PIGL: variants seen among roughly 807,000 people sequenced by gnomAD.
PIGL encodes the protein N-acetylglucosaminyl-phosphatidylinositol de-N-acetylase.
PIGL carries 22 observed loss-of-function variants against 31.1 expected under a neutral mutation model. The observed-to-expected ratio is 0.71, with a 90% CI of 0.51 to 1.01. PIGL has a LOEUF of 1.01. PIGL is among the 50% of genes least tolerant of loss of function. The pLI is 0.00. For missense variants in PIGL, 302 were observed against 315.9 expected, an observed-to-expected ratio of 0.96 and a Z score of 0.33; for synonymous variants, 131 against 117.4, an observed-to-expected ratio of 1.12 and a Z score of -0.75.
intron 3 of PIGL, among the ~76,000 whole-genome samples, chr17:16,300,624 G>A (rs2093000678): frequency 1.3e-5 from 2 of 151,824 alleles, no homozygotes; most frequent in African/African-American, 4.8e-5. Context: ...AGGTTGCAAT[G>A]CGCAAAGATT....
chr17:16,218,700 A>C (rs1298564167), intron 1 of PIGL, among the ~76,000 whole-genome samples: 1 of 113,304 alleles, frequency 8.8e-6, no homozygotes, highest in African/African-American at 3.3e-5. Context: ...TTTTTTTCTG[A>C]GATAGTCTCG....
At chr17:16,275,290 CTT>C (rs979742150) in intron 2 of PIGL, among the ~76,000 whole-genome samples, 22 of 152,144 alleles carry the variant, frequency 1.4e-4, no homozygotes, top group Non-Finnish European at 3.2e-4. Flanking sequence ...GTGGGAGTGT[CTT>C]TTAGCATGCT....
At chr17:16,221,888 G>A (rs2092631140) in intron 1 of PIGL, among the ~76,000 whole-genome samples, 1 of 152,058 alleles carries the variant, frequency 6.6e-6, no homozygotes, top group South Asian at 2.1e-4. Flanking sequence ...CAGAATGCTG[G>A]GATTACAGAC....
intron 3 of PIGL, among the ~76,000 whole-genome samples, chr17:16,304,006 G>A (rs115540548): frequency 0.016 from 2,390 of 152,180 alleles, 74 homozygotes; most frequent in African/African-American, 0.054. Context: ...AAGCCACTGC[G>A]CCCGGCCTAC....
At chr17:16,265,578 A>C (rs1191340236) in intron 2 of PIGL, among the ~76,000 whole-genome samples, 2 of 152,006 alleles carry the variant, frequency 1.3e-5, no homozygotes, top group African/African-American at 4.8e-5. Context: ...CCTCTCTACT[A>C]AAAATACAAA....
intron 2 of PIGL, among the ~76,000 whole-genome samples, chr17:16,237,536 C>T (rs984793737): frequency 2.6e-5 from 4 of 151,760 alleles, no homozygotes; most frequent in Non-Finnish European, 5.9e-5. Flanking sequence ...TGTGGTGGCT[C>T]CTACCTGTAA....
intron 2 of PIGL, among the ~76,000 whole-genome samples, chr17:16,299,098 C>T (rs2142833738): frequency 6.6e-6 from 1 of 152,150 alleles, no homozygotes; most frequent in Non-Finnish European, 1.5e-5. Flanking sequence ...ATCCCAGCTA[C>T]TCAGGAGACT....
At chr17:16,251,915 G>A (rs911903045) in intron 2 of PIGL, among the ~76,000 whole-genome samples, 10 of 152,126 alleles carry the variant, frequency 6.6e-5, no homozygotes, top group Non-Finnish European at 1.5e-4. Context: ...CTTGGGAACG[G>A]TATGTGATTG....
intron 4 of PIGL, among the ~76,000 whole-genome samples, chr17:16,316,368 G>C (rs2142869656): frequency 6.6e-6 from 1 of 152,286 alleles, no homozygotes; most frequent in African/African-American, 2.4e-5. Context: ...ACTTCCAAGA[G>C]AAAAACTATG....
intron 1 of PIGL, among the ~76,000 whole-genome samples, chr17:16,223,587 G>T (rs909628636): frequency 6.6e-6 from 1 of 150,950 alleles, no homozygotes; most frequent in Non-Finnish European, 1.5e-5. Context: ...AAAAATAAAA[G>T]CTCAGTCTTG....
chr17:16,295,190 G>A (rs1016542051), intron 2 of PIGL, among the ~76,000 whole-genome samples: 2 of 151,898 alleles, frequency 1.3e-5, no homozygotes, highest in Non-Finnish European at 2.9e-5. Context: ...GATCATCTGA[G>A]GTCAGGAGTT....
intron 2 of PIGL, among the ~76,000 whole-genome samples, chr17:16,246,617 A>C (rs943947124): frequency 2.6e-5 from 4 of 151,622 alleles, no homozygotes; most frequent in African/African-American, 9.7e-5. Flanking sequence ...GTGTGGCTTA[A>C]ACAATAGAAA....
At chr17:16,272,083 T>C (rs560567341) in intron 2 of PIGL, among the ~76,000 whole-genome samples, 5 of 152,292 alleles carry the variant, frequency 3.3e-5, no homozygotes, top group African/African-American at 7.2e-5. Flanking sequence ...CCCAAAGCCA[T>C]TGCTTTTTAT....
At chr17:16,316,157 C>T (rs2093076151) in intron 4 of PIGL, among the ~76,000 whole-genome samples, 1 of 152,112 alleles carries the variant, frequency 6.6e-6, no homozygotes, top group African/African-American at 2.4e-5. Flanking sequence ...CCTTCTCTGC[C>T]CCCAGCTTTC....
At chr17:16,225,576 A>G (rs2092648871) in intron 1 of PIGL, among the ~76,000 whole-genome samples, 1 of 147,058 alleles carries the variant, frequency 6.8e-6, no homozygotes, top group South Asian at 2.1e-4. Context: ...TTTTTTCAGT[A>G]GAGATGGGGT....
At chr17:16,245,805 C>CATAT (rs570798253) in intron 2 of PIGL, among the ~76,000 whole-genome samples, 50 of 121,704 alleles carry the variant, frequency 4.1e-4, no homozygotes, top group African/African-American at 1.8e-3. Flanking sequence ...CACACACACA[C>CATAT]ATATATATAT....
At chr17:16,296,471 A>ATGG (rs1266535446) in intron 2 of PIGL, among the ~76,000 whole-genome samples, 1 of 151,782 alleles carries the variant, frequency 6.6e-6, no homozygotes, top group African/African-American at 2.4e-5. Flanking sequence ...TTAGCTGAGC[A>ATGG]TGGTGGCAGG....
chr17:16,226,335 G>C (rs1194232005), intron 1 of PIGL, among the ~76,000 whole-genome samples: 1 of 152,158 alleles, frequency 6.6e-6, no homozygotes, highest in Non-Finnish European at 1.5e-5. Context: ...CTTTGCTACA[G>C]ATGTCAGCCA....
intron 2 of PIGL, among the ~76,000 whole-genome samples, chr17:16,236,183 A>G (rs1466507735): frequency 6.6e-6 from 1 of 152,194 alleles, no homozygotes; most frequent in African/African-American, 2.4e-5. Flanking sequence ...ATTTTTCAGA[A>G]TAAAGAGTTG....
Sources: allele counts gnomAD v4.1 joint callset (sites outside exome capture counted in the v4.1 genomes callset), GRCh38; gene constraint gnomAD v4.1.1; transcripts MANE v1.5; gene names NCBI Gene and HGNC (gene_info 2026-07-23, HGNC 2026-07-21).